PLSCR1: variants seen among roughly 807,000 people sequenced by gnomAD.
The protein encoded by PLSCR1 is PL scramblase 1.
PLSCR1 carries 17 observed loss-of-function variants against 37.8 expected under a neutral mutation model. That is an observed-to-expected ratio of 0.45 (90% CI 0.31 to 0.68). The LOEUF (loss-of-function observed/expected upper bound fraction) is 0.68, where lower values mean the gene tolerates loss of function less well. PLSCR1 is among the 30% of genes least tolerant of loss of function. The probability of loss-of-function intolerance (pLI) is 0.06; values close to 1 mark genes in which losing one functional copy is unlikely to be tolerated. For synonymous variants in PLSCR1, 116 were observed against 125.9 expected, an observed-to-expected ratio of 0.92 and a Z score of 0.53; for missense variants, 347 against 380.9, an observed-to-expected ratio of 0.91 and a Z score of 0.74.
At chr3:146,536,857 A>G (rs1287151443) in intron 1 of PLSCR1, 16 of 277,404 alleles carry the variant, frequency 5.8e-5, no homozygotes, top group Admixed American at 3.4e-4. Flanking sequence ...ACACACTATG[A>G]GCTAAGACTC....
At chr3:146,544,243 C>T (rs1293556727) in intron 1 of PLSCR1, among the ~76,000 whole-genome samples, 2 of 152,222 alleles carry the variant, frequency 1.3e-5, no homozygotes, top group African/African-American at 4.8e-5. Context: ...TGCCGTGTAC[C>T]TGCTCCACTT....
At chr3:146,533,656 G>A (rs535091053) in intron 2 of PLSCR1, 106 bp from the exon 3 acceptor site, 3 of 572,642 alleles carry the variant, frequency 5.2e-6, no homozygotes, top group African/African-American at 1.9e-5. Context: ...TTCTTATGCT[G>A]TATTGAAATA....
intron 1 of PLSCR1, chr3:146,540,752 G>A (rs2108676300): frequency 6.6e-6 from 1 of 152,156 alleles, no homozygotes; most frequent in Admixed American, 6.5e-5. Flanking sequence ...AAATTCTACT[G>A]CTCTGAAAAC....
chr3:146,516,247 C>A, intron 8 of PLSCR1, 146 bp from the exon 9 acceptor site: 1 of 502,902 alleles, frequency 2.0e-6, no homozygotes, highest in East Asian at 3.3e-5. Flanking sequence ...TACAAAAGCT[C>A]TATAATTATA....
chr3:146,539,360 A>G (rs768628255), intron 1 of PLSCR1, among the ~76,000 whole-genome samples: 32 of 152,218 alleles, frequency 2.1e-4, no homozygotes, highest in Admixed American at 1.0e-3. Context: ...GTCAATACAG[A>G]TGAAACTTTG....
At chr3:146,523,184 G>A (rs970845743) in intron 5 of PLSCR1, among the ~76,000 whole-genome samples, 5 of 152,040 alleles carry the variant, frequency 3.3e-5, no homozygotes, top group South Asian at 2.1e-4. Context: ...CTCTCGTTCC[G>A]CCTAACAAGA....
Sources: gnomAD v4.1 joint callset for allele counts (sites outside exome capture counted in the v4.1 genomes callset) on GRCh38, gnomAD v4.1.1 for gene constraint, MANE v1.5 for transcripts, NCBI Gene and HGNC (gene_info 2026-07-23, HGNC 2026-07-21) for gene names.